The following APLP2 variants were observed in gnomAD, a reference collection of about 807,000 sequenced individuals.
APLP2 encodes CDEI box-binding protein.
A neutral mutation model predicts 89.9 loss-of-function variants in APLP2; 53 were observed. The observed-to-expected ratio is 0.59, with a 90% CI of 0.47 to 0.74. APLP2 has a LOEUF of 0.74. APLP2 is among the 30% of genes least tolerant of loss of function. The pLI is 0.00. For missense variants in APLP2, 973 were observed against 975.9 expected, an observed-to-expected ratio of 1.00 and a Z score of 0.04; for synonymous variants, 372 against 348.6, an observed-to-expected ratio of 1.07 and a Z score of -0.75.
At chr11:130,119,477 T>C (rs1030228766) in intron 3 of APLP2, among the ~76,000 whole-genome samples, 1 of 152,222 alleles carries the variant, frequency 6.6e-6, no homozygotes, top group African/African-American at 2.4e-5. Flanking sequence ...CACGTACTGG[T>C]TGCCCAGCTT....
Position 130,133,692 on chromosome 11 carries a change from G to C in APLP2, c.1648G>C (p.Val550Leu). 1 of 1,614,150 alleles carries C rather than the reference G, an allele frequency of 6.2e-7. No homozygotes were observed. Among genetic ancestry groups the C allele is most frequent in the Non-Finnish European group, 8.5e-7 (1 of 1,179,984 alleles). ...RNQSLSLLYK[V>L]PYVAQEIQEE... ...CCAAAGCCTCTCTCTGCTCTACAAA[G>C]TACCTTATGTAGCCCAAGAAATTCA... The change falls in exon 12 of 17, where the codon GTA (valine) becomes CTA (leucine). Residue 550 changes from valine (V) to leucine (L), a missense_variant. Physicochemically the swap from Val to Leu is conservative, Grantham distance 32. Transcript: ENST00000338167.
chr11:130,122,644 C>G, intron 6 of APLP2, 131 bp downstream of exon 6: 1 of 1,462,070 alleles, frequency 6.8e-7, no homozygotes, highest in Admixed American at 2.1e-5. Flanking sequence ...AAGGTGAGTT[C>G]AGCTCTCCAG....
intron 11 of APLP2, among the ~76,000 whole-genome samples, chr11:130,131,563 G>T (rs557510212): frequency 6.6e-6 from 1 of 152,196 alleles, no homozygotes; most frequent in African/African-American, 2.4e-5. Context: ...TTTGCTTCAC[G>T]CTGGATGTAG....
intron 1 of APLP2, among the ~76,000 whole-genome samples, chr11:130,093,361 AAAGAC>A (rs766573321): frequency 1.3e-5 from 2 of 152,262 alleles, no homozygotes; most frequent in African/African-American, 2.4e-5. Context: ...GGGAATAGAC[AAAGAC>A]AAGTTCTTAC....
intron 1 of APLP2, among the ~76,000 whole-genome samples, chr11:130,088,202 T>TA (rs1285111642): frequency 1.3e-5 from 2 of 152,170 alleles, no homozygotes; most frequent in African/African-American, 4.8e-5. Flanking sequence ...GTCTGGGTGA[T>TA]ATCTGTAAGT....
chr11:130,134,120 A>G (rs1186228838), intron 12 of APLP2, among the ~76,000 whole-genome samples: 1 of 152,196 alleles, frequency 6.6e-6, no homozygotes, highest in African/African-American at 2.4e-5. Context: ...TTTATTCAAC[A>G]AGTTTTATTA....
At chr11:130,108,678 C>G (rs533459629) in intron 1 of APLP2, 2 of 152,328 alleles carry the variant, frequency 1.3e-5, no homozygotes, top group Admixed American at 6.5e-5. Flanking sequence ...ACTAGAAATA[C>G]CATTTGGCCC....
intron 1 of APLP2, among the ~76,000 whole-genome samples, chr11:130,091,730 C>CA (rs1945279306): frequency 6.8e-6 from 1 of 146,294 alleles, no homozygotes; most frequent in African/African-American, 2.6e-5. Context: ...CTGACCCCCC[C>CA]ACCTCCCTCC....
intron 3 of APLP2, among the ~76,000 whole-genome samples, chr11:130,111,269 A>C (rs1460266867): frequency 6.6e-6 from 1 of 152,194 alleles, no homozygotes; most frequent in Admixed American, 6.5e-5. Flanking sequence ...TGTTGCTTCA[A>C]ATGCTCAGGG....
chr11:130,137,512 G>A (rs1327119307), intron 13 of APLP2, among the ~76,000 whole-genome samples: 2 of 152,184 alleles, frequency 1.3e-5, no homozygotes, highest in South Asian at 2.1e-4. Context: ...TGGTTACCTC[G>A]TGGTCATGCT....
At chr11:130,107,538 G>C (rs1004975593) in intron 1 of APLP2, among the ~76,000 whole-genome samples, 2 of 152,122 alleles carry the variant, frequency 1.3e-5, no homozygotes, top group Non-Finnish European at 2.9e-5. Flanking sequence ...AGGAGAACTA[G>C]AAACCACTGC....
intron 3 of APLP2, among the ~76,000 whole-genome samples, chr11:130,116,351 G>A (rs1340274428): frequency 2.0e-5 from 3 of 151,934 alleles, no homozygotes; most frequent in African/African-American, 7.3e-5. Context: ...ATACTATTCT[G>A]TTGTATATAT....
At chr11:130,091,553 C>CT (rs1945214083) in intron 1 of APLP2, among the ~76,000 whole-genome samples, 2 of 142,084 alleles carry the variant, frequency 1.4e-5, no homozygotes, top group Non-Finnish European at 1.6e-5. Context: ...CTGACCCCCC[C>CT]ACCTCCCTCC....
chr11:130,076,115 T>C (rs1942078079), intron 1 of APLP2, among the ~76,000 whole-genome samples: 2 of 152,160 alleles, frequency 1.3e-5, no homozygotes, highest in South Asian at 4.1e-4. Flanking sequence ...CACTCTGTCA[T>C]CCAGGCTGGA....
At chr11:130,072,843 A>G (rs540746691) in intron 1 of APLP2, among the ~76,000 whole-genome samples, 4 of 152,362 alleles carry the variant, frequency 2.6e-5, no homozygotes, top group South Asian at 2.1e-4. Context: ...AGTTTTATCA[A>G]TTAGTTCCTC....
At chr11:130,119,708 C>T (rs1361913589) in intron 3 of APLP2, among the ~76,000 whole-genome samples, 1 of 152,212 alleles carries the variant, frequency 6.6e-6, no homozygotes, top group Non-Finnish European at 1.5e-5. Flanking sequence ...ATGTTTTTCT[C>T]TCTCTGCATC....
Position 130,143,526 on chromosome 11 carries a change from C to T in APLP2, c.*78C>T. On this transcript the variant is annotated 3_prime_UTR_variant, in exon 17 of 17. Coordinates refer to ENST00000338167, the MANE Select transcript of APLP2 (RefSeq NM_001142276.2). ...CCCACGATTCCGATCGACTGCCAAG[C>T]AGCAGCCGCTGCCAGGGGCTGCGTC... 8.0e-7 allele frequency: 1 copy of T among 1,253,978 alleles called. No individual in the cohort carries two copies. The highest frequency in any genetic ancestry group is 1.2e-6 in the Non-Finnish European group (1 of 860,314). The allele number at this position is 1,253,978 out of a possible 1,614,324, so 77.7% of individuals were successfully genotyped here.
intron 1 of APLP2, among the ~76,000 whole-genome samples, chr11:130,072,101 T>G (rs1032369573): frequency 1.3e-5 from 2 of 152,176 alleles, no homozygotes; most frequent in South Asian, 2.1e-4. Flanking sequence ...GTTGACTGAA[T>G]TAATCTCTTA....
chr11:130,076,058 T>A (rs1404287442), intron 1 of APLP2, among the ~76,000 whole-genome samples: 1 of 152,192 alleles, frequency 6.6e-6, no homozygotes, highest in Admixed American at 6.5e-5. Context: ...CACTGATTTT[T>A]AAAAACTTTT....
Sources: gnomAD v4.1 joint callset for allele counts (sites outside exome capture counted in the v4.1 genomes callset) on GRCh38, gnomAD v4.1.1 for gene constraint, MANE v1.5 for transcripts, NCBI Gene and HGNC (gene_info 2026-07-23, HGNC 2026-07-21) for gene names.